The following BRINP1 variants were observed in gnomAD, a reference collection of about 807,000 sequenced individuals.
BRINP1 encodes the protein BMP/retinoic acid-inducible neural-specific protein 1.
Under a neutral mutation model 72.9 loss-of-function variants are expected in BRINP1, and 17 were observed. The observed-to-expected ratio is 0.23, with a 90% CI of 0.16 to 0.35. BRINP1 has a LOEUF of 0.35. BRINP1 is among the 10% of genes least tolerant of loss of function. The probability of loss-of-function intolerance (pLI) is 1.00; values close to 1 mark genes in which losing one functional copy is unlikely to be tolerated. For synonymous variants in BRINP1, 418 were observed against 378.5 expected, an observed-to-expected ratio of 1.10 and a Z score of -1.21; for missense variants, 850 against 1,001.6, an observed-to-expected ratio of 0.85 and a Z score of 2.04.
At chr9:119,366,560 G>A (rs572444212) in intron 1 of BRINP1, among the ~76,000 whole-genome samples, 1 of 131,518 alleles carries the variant, frequency 7.6e-6, no homozygotes, top group Admixed American at 7.9e-5. Flanking sequence ...GTGTGTGTGT[G>A]TCTTTCGGGA....
chr9:119,283,384 A>G (rs1287746756), intron 2 of BRINP1: 1 of 156,260 alleles, frequency 6.4e-6, no homozygotes, highest in Admixed American at 6.5e-5. Flanking sequence ...CTTTAGCAAG[A>G]TGATTATGAT....
chr9:119,260,874 CA>C (rs1830488487), intron 2 of BRINP1, among the ~76,000 whole-genome samples: 1 of 151,958 alleles, frequency 6.6e-6, no homozygotes, highest in African/African-American at 2.4e-5. Context: ...ATTTGATTAC[CA>C]AAGCATCATA....
At chr9:119,310,724 ATGATGAAAATGTCAAGTT>A (rs1177311035) in intron 2 of BRINP1, among the ~76,000 whole-genome samples, 1 of 152,146 alleles carries the variant, frequency 6.6e-6, no homozygotes, top group African/African-American at 2.4e-5. Context: ...TTCTTTTTTT[ATGATGAAAATGTCAAGTT>A]TGTAACGTGC....
chr9:119,300,049 G>A lies in BRINP1; in HGVS notation c.218+13089C>T, dbSNP rs142315794. ...ACAGTACCGCCTTCCTCAGTGATTCGTTTCACACCCCACTTCACAAAGAGA... is the reference window on the plus strand; with the variant it reads ...ACAGTACCGCCTTCCTCAGTGATTCATTTCACACCCCACTTCACAAAGAGA... On this transcript the variant is annotated intron_variant, in intron 2 of 7. Coordinates refer to ENST00000265922, the MANE Select transcript of BRINP1 (RefSeq NM_014618.3). Among the ~76,000 whole-genome samples, 364 of 151,956 alleles carry A rather than the reference G, an allele frequency of 2.4e-3. 2 individuals carry two copies. Among genetic ancestry groups the A allele is most frequent in the African/African-American group, 8.2e-3 (342 of 41,496 alleles).
At chr9:119,224,884 G>A (rs549229184) in intron 5 of BRINP1, among the ~76,000 whole-genome samples, 6 of 152,142 alleles carry the variant, frequency 3.9e-5, no homozygotes, top group African/African-American at 1.2e-4. Context: ...AGTGCTGCCA[G>A]TCACATGGAA....
chr9:119,200,171 A>T (rs949609782), intron 7 of BRINP1, among the ~76,000 whole-genome samples: 1 of 152,208 alleles, frequency 6.6e-6, no homozygotes, highest in African/African-American at 2.4e-5. Flanking sequence ...CAAATAATCT[A>T]TGTGTGCATT....
At chr9:119,367,815 A>ACT (rs201244673) in intron 1 of BRINP1, among the ~76,000 whole-genome samples, 1 of 150,374 alleles carries the variant, frequency 6.7e-6, no homozygotes, top group Non-Finnish European at 1.5e-5. Context: ...GTACTGAAAC[A>ACT]CTCTCTCTCT....
At chr9:119,253,405 A>T (rs1219683688) in intron 2 of BRINP1, among the ~76,000 whole-genome samples, 3 of 152,220 alleles carry the variant, frequency 2.0e-5, no homozygotes, top group Non-Finnish European at 4.4e-5. Context: ...ATACATACTC[A>T]ATGGAATATC....
chr9:119,195,797 G>T (rs577720079), intron 7 of BRINP1, among the ~76,000 whole-genome samples: 4 of 152,160 alleles, frequency 2.6e-5, no homozygotes, highest in Non-Finnish European at 5.9e-5. Context: ...GAAAGATGAC[G>T]ATCTCTACTG....
At chr9:119,180,729 G>C (rs530040643) in intron 7 of BRINP1, among the ~76,000 whole-genome samples, 12 of 152,128 alleles carry the variant, frequency 7.9e-5, no homozygotes, top group Non-Finnish European at 1.5e-4. Context: ...TTAATAACCT[G>C]TTTTTCCTTC....
intron 1 of BRINP1, among the ~76,000 whole-genome samples, chr9:119,351,779 C>T (rs1228372790): frequency 6.6e-6 from 1 of 151,910 alleles, no homozygotes; most frequent in Non-Finnish European, 1.5e-5. Context: ...TCCTATTCTG[C>T]TTCAAGTTTT....
chr9:119,182,898 A>G (rs1483165367), intron 7 of BRINP1, among the ~76,000 whole-genome samples: 1 of 152,210 alleles, frequency 6.6e-6, no homozygotes, highest in Non-Finnish European at 1.5e-5. Context: ...CAAAAAGTCA[A>G]TATGCAATGA....
chr9:119,249,855 G>A (rs1830361702), intron 2 of BRINP1, among the ~76,000 whole-genome samples: 1 of 50,472 alleles, frequency 2.0e-5, no homozygotes, highest in African/African-American at 7.9e-5. Flanking sequence ...AGGAAGGAAG[G>A]GAGGGAGGGA....
chr9:119,221,537 T>C (rs1588168747), intron 5 of BRINP1, among the ~76,000 whole-genome samples: 3 of 152,136 alleles, frequency 2.0e-5, no homozygotes, highest in Admixed American at 1.3e-4. Context: ...GAAAAGGCTA[T>C]GATCTCATTC....
intron 5 of BRINP1, among the ~76,000 whole-genome samples, chr9:119,226,824 T>A (rs1199902084): frequency 6.6e-6 from 1 of 151,980 alleles, no homozygotes; most frequent in African/African-American, 2.4e-5. Context: ...TGCTGGCACA[T>A]GGAAAGGGCT....
chr9:119,288,798 GTTTTT>G (rs879743985), intron 2 of BRINP1, among the ~76,000 whole-genome samples: 1 of 148,046 alleles, frequency 6.8e-6, no homozygotes, highest in African/African-American at 2.5e-5. Context: ...GTTTTGTTTT[GTTTTT>G]TTTTTTAGAT....
chr9:119,352,941 G>A (rs1323057165), intron 1 of BRINP1, among the ~76,000 whole-genome samples: 1 of 152,178 alleles, frequency 6.6e-6, no homozygotes. Flanking sequence ...AGGAGCCTAA[G>A]TCAGGGCCAA....
In BRINP1 at chr9:119,357,241, A is replaced by ACGTGTG. The variant is rs1182127338; in HGVS notation, c.-51+11809_-51+11814dup. Among the ~76,000 whole-genome samples the ACGTGTG allele has an allele frequency of 2.0e-5, 3 of 152,214 alleles. No homozygotes were observed. In the East Asian group the frequency reaches 5.8e-4, roughly 29 times the overall value. On this transcript the variant is annotated intron_variant, in intron 1 of 7. Transcript: ENST00000265922. ...TCAATATTCCTTTCTTTATACATGC[A>ACGTGTG]CGTGTGCACGTGCATGTGTGTGTGT...
chr9:119,247,512 G>A (rs368668643), intron 3 of BRINP1, among the ~76,000 whole-genome samples: 4 of 151,962 alleles, frequency 2.6e-5, no homozygotes, highest in East Asian at 1.9e-4. Flanking sequence ...AAAATTAGCC[G>A]GGCATGGTGG....
Sources: gnomAD v4.1 joint callset for allele counts (sites outside exome capture counted in the v4.1 genomes callset) on GRCh38, gnomAD v4.1.1 for gene constraint, MANE v1.5 for transcripts, NCBI Gene and HGNC (gene_info 2026-07-23, HGNC 2026-07-21) for gene names.